The following ARHGAP42 variants were observed in gnomAD, a reference collection of about 807,000 sequenced individuals.
ARHGAP42 encodes rho GTPase-activating protein 42.
In ARHGAP42, 63 loss-of-function variants were observed where a neutral mutation model predicts 125.0. The ratio of observed to expected loss-of-function variants is 0.50; its 90% CI spans 0.41 to 0.62. The LOEUF is 0.62. Among genes scored for constraint, ARHGAP42 ranks in the 20% least tolerant of loss-of-function variants. The pLI, the probability that ARHGAP42 is intolerant of heterozygous loss-of-function variation, is 0.00. For missense variants in ARHGAP42, 766 were observed against 1,024.2 expected, an observed-to-expected ratio of 0.75 and a Z score of 3.44; for synonymous variants, 339 against 351.0, an observed-to-expected ratio of 0.97 and a Z score of 0.38.
chr11:100,906,614 AT>A (rs1181793426), intron 4 of ARHGAP42, among the ~76,000 whole-genome samples: 5 of 150,134 alleles, frequency 3.3e-5, no homozygotes, highest in South Asian at 2.1e-4. Context: ...TATTCCTGAA[AT>A]TTTTTTTTTG....
intron 4 of ARHGAP42, among the ~76,000 whole-genome samples, chr11:100,912,306 C>A (rs1001295444): frequency 2.6e-5 from 4 of 152,126 alleles, no homozygotes; most frequent in African/African-American, 9.7e-5. Context: ...GTCTGTGCAT[C>A]TATTCATTGA....
chr11:100,786,584 G>GT (rs1863440374), intron 2 of ARHGAP42, among the ~76,000 whole-genome samples: 2 of 151,936 alleles, frequency 1.3e-5, no homozygotes, highest in East Asian at 3.9e-4. Flanking sequence ...CTACCTTATA[G>GT]TTTGGCAGCT....
At chr11:100,913,323 G>C (rs1052984428) in intron 4 of ARHGAP42, 129 bp from the exon 5 acceptor site, 1 of 296,550 alleles carries the variant, frequency 3.4e-6, no homozygotes. Context: ...CTAAATTAAG[G>C]TTTTACACAT....
rs546960549 is a variant in ARHGAP42 at position 100,786,997 on chromosome 11, G to A, written c.251-8108G>A. Among the ~76,000 whole-genome samples the A allele has an allele frequency of 2.5e-3, 382 of 152,162 alleles. 1 individual carries two copies. The highest frequency in any genetic ancestry group is 4.3e-3 in the Non-Finnish European group (290 of 68,002). ...CTGTTGGTTTAAAAGTGGCAGTTTC[G>A]CTGGGTGTGGTGGCTCACACCCGTA... On this transcript the variant is annotated intron_variant, in intron 2 of 23. Transcript: ENST00000298815.
intron 7 of ARHGAP42, 117 bp downstream of exon 7, chr11:100,933,377 A>C (rs1350040313): frequency 1.6e-6 from 1 of 608,430 alleles, no homozygotes; most frequent in Non-Finnish European, 2.6e-6. Context: ...CAAAACCCTA[A>C]TCTTAGTTAG....
At chr11:100,901,121 GT>G in intron 4 of ARHGAP42, among the ~76,000 whole-genome samples, 1 of 152,188 alleles carries the variant, frequency 6.6e-6, no homozygotes, top group South Asian at 2.1e-4. Flanking sequence ...CTTTCTATTT[GT>G]TAGTTTTCCT....
intron 3 of ARHGAP42, among the ~76,000 whole-genome samples, chr11:100,803,379 G>T (rs1186041289): frequency 6.6e-6 from 1 of 152,120 alleles, no homozygotes. Context: ...TATAGGAATG[G>T]GTGAGATCAC....
intron 4 of ARHGAP42, among the ~76,000 whole-genome samples, chr11:100,887,274 G>A (rs1866114090): frequency 6.6e-6 from 1 of 152,108 alleles, no homozygotes; most frequent in Non-Finnish European, 1.5e-5. Context: ...TGATGAGTGA[G>A]ATCATCCTTG....
chr11:100,788,095 T>C (rs1863477894), intron 2 of ARHGAP42, among the ~76,000 whole-genome samples: 2 of 152,224 alleles, frequency 1.3e-5, no homozygotes, highest in Admixed American at 6.5e-5. Context: ...TATGCTATGA[T>C]ATTAAACAAC....
chr11:100,837,685 T>TTTTTTTA (rs1864837170), intron 3 of ARHGAP42, among the ~76,000 whole-genome samples: 2 of 131,458 alleles, frequency 1.5e-5, no homozygotes, highest in African/African-American at 2.8e-5. Flanking sequence ...TTTTTTTTTT[T>TTTTTTTA]TTTTTTTTTT....
chr11:100,714,252 T>C (rs1030929684), intron 1 of ARHGAP42, among the ~76,000 whole-genome samples: 4 of 152,222 alleles, frequency 2.6e-5, no homozygotes, highest in Non-Finnish European at 4.4e-5. Flanking sequence ...GTCAAGTCAA[T>C]TCTTAAATGT....
At chr11:100,967,350 C>T (rs1335628433) in intron 17 of ARHGAP42, among the ~76,000 whole-genome samples, 3 of 152,010 alleles carry the variant, frequency 2.0e-5, no homozygotes, top group Non-Finnish European at 4.4e-5. Context: ...TATTAAATTA[C>T]AAAAAATATA....
rs537013624 is a variant in ARHGAP42, at chr11:100,931,657, C to T, written c.598-1499C>T. ...AATGGTAAAACATGAAACAATACTT[C>T]CTTAGCAACTTCATAATCTGTTAGT... On this transcript the variant is annotated intron_variant, in intron 6 of 23. Coordinates refer to ENST00000298815, the MANE Select transcript of ARHGAP42 (RefSeq NM_152432.4). Among the ~76,000 whole-genome samples the T allele has an allele frequency of 3.3e-5, 5 of 152,212 alleles. No homozygotes were observed. In the South Asian group the frequency reaches 8.3e-4, roughly 25 times the overall value.
At chr11:100,747,897 T>A (rs998369363) in intron 1 of ARHGAP42, among the ~76,000 whole-genome samples, 2 of 152,162 alleles carry the variant, frequency 1.3e-5, no homozygotes, top group South Asian at 2.1e-4. Flanking sequence ...GTTGCAAACA[T>A]CCCTTTCTCT....
intron 3 of ARHGAP42, among the ~76,000 whole-genome samples, chr11:100,814,487 A>G (rs1565225667): frequency 1.3e-5 from 2 of 152,210 alleles, no homozygotes; most frequent in South Asian, 2.1e-4. Context: ...GGCCGTTCTC[A>G]CATTGGTATA....
rs150612948 is a variant in ARHGAP42 at position 100,953,164 on chromosome 11, C to T, written c.1162+3208C>T. Among the ~76,000 whole-genome samples, 685 of 151,968 alleles carry T rather than the reference C, an allele frequency of 4.5e-3. 2 individuals carry two copies. Among genetic ancestry groups the T allele is most frequent in the African/African-American group, 0.016 (651 of 41,432 alleles). On this transcript the variant is annotated intron_variant, in intron 12 of 23. Coordinates refer to ENST00000298815, the MANE Select transcript of ARHGAP42 (RefSeq NM_152432.4). ...TTCTTTTTAGTTGATATTTGACTCCCCTAAAGGTAGCATTGCATCAATTTC... is the reference window on the plus strand; with the variant it reads ...TTCTTTTTAGTTGATATTTGACTCCTCTAAAGGTAGCATTGCATCAATTTC...
At chr11:100,807,623 T>C (rs961226280) in intron 3 of ARHGAP42, among the ~76,000 whole-genome samples, 4 of 152,068 alleles carry the variant, frequency 2.6e-5, no homozygotes, top group Non-Finnish European at 5.9e-5. Context: ...GTTCCAGGAG[T>C]TGGGGCTTGC....
At chr11:100,770,284 C>A in intron 1 of ARHGAP42, 59 bp from the exon 2 acceptor site, 1 of 1,122,044 alleles carries the variant, frequency 8.9e-7, no homozygotes. Flanking sequence ...CATTTGGAAA[C>A]TCATTCGGAT....
rs759537102 is a variant in ARHGAP42, at chr11:100,987,492, C to T, written c.2457-21C>T. The T allele has an allele frequency of 2.1e-5, 32 of 1,547,948 alleles. 1 individual carries two copies. In the South Asian group the frequency reaches 3.8e-4, roughly 18 times the overall value. ...CTTAGGTTGAGTGTTGAGGTTTTGA[C>T]AAGTTGTCTTGCTCTTTCAGCCAAG... is the stretch of plus-strand genomic sequence containing the variant. On this transcript the variant is annotated intron_variant, in intron 22 of 23. Transcript: ENST00000298815.
Sources: gnomAD v4.1 joint callset for allele counts (sites outside exome capture counted in the v4.1 genomes callset) on GRCh38, gnomAD v4.1.1 for gene constraint, MANE v1.5 for transcripts, NCBI Gene and HGNC (gene_info 2026-07-23, HGNC 2026-07-21) for gene names.